The following DCAF4 variants were observed in gnomAD, a reference collection of about 807,000 sequenced individuals.
DCAF4 encodes the protein DDB1- and CUL4-associated factor 4.
In DCAF4, 37 loss-of-function variants were observed where a neutral mutation model predicts 60.9. That is an observed-to-expected ratio of 0.61 (90% CI 0.47 to 0.80). The LOEUF is 0.80. Ranked by LOEUF, DCAF4 falls within the 30% of genes least tolerant of loss-of-function variation. The pLI is 0.00. For missense variants in DCAF4, 577 were observed against 650.0 expected (o/e 0.89, Z 1.22); for synonymous variants, 243 against 254.8 (o/e 0.95, Z 0.44).
At chr14:72,950,388 A>G (rs1286007543) in intron 8 of DCAF4, among the ~76,000 whole-genome samples, 1 of 152,186 alleles carries the variant, frequency 6.6e-6, no homozygotes, top group Non-Finnish European at 1.5e-5. Flanking sequence ...AGGAGTGTGT[A>G]GTAGAAATTG....
intron 1 of DCAF4, among the ~76,000 whole-genome samples, chr14:72,936,715 C>T (rs1299307608): frequency 6.6e-6 from 1 of 152,088 alleles, no homozygotes; most frequent in Non-Finnish European, 1.5e-5. Flanking sequence ...TGGAGATAGA[C>T]ACGAAGCAGC....
At position 72,959,131 on chromosome 14, in the gene DCAF4, GA is replaced by G; in HGVS notation, c.*330del. The G allele has an allele frequency of 9.7e-7, 1 of 1,028,640 alleles. No homozygotes were observed. The highest frequency in any genetic ancestry group is 1.2e-6 in the Non-Finnish European group (1 of 857,862). The allele number at this position is 1,028,640 out of a possible 1,614,324, so 63.7% of individuals were successfully genotyped here. A position where few individuals can be genotyped will look rare whatever the true frequency, so the allele number is the denominator to read the frequency against. On this transcript the variant is annotated 3_prime_UTR_variant, in exon 14 of 14. Coordinates refer to ENST00000358377, the MANE Select transcript of DCAF4 (RefSeq NM_015604.4). ...CTAAGGACTGAAGATTGGCAAAAAC[GA>G]AAAGCTTCTTCCTCCAAGAGCCCAT...
chr14:72,948,005 T>G (rs1398357764), intron 8 of DCAF4, among the ~76,000 whole-genome samples: 1 of 152,178 alleles, frequency 6.6e-6, no homozygotes, highest in Non-Finnish European at 1.5e-5. Flanking sequence ...GGAAACAATG[T>G]GACTACTCAT....
At chr14:72,937,152 C>T (rs1489704923) in intron 1 of DCAF4, among the ~76,000 whole-genome samples, 1 of 152,090 alleles carries the variant, frequency 6.6e-6, no homozygotes, top group Admixed American at 6.6e-5. Flanking sequence ...AGAAATGGAA[C>T]ACTTACAAAT....
At position 72,959,439 on chromosome 14, in the gene DCAF4, C is replaced by T. The variant is rs1386064105; in HGVS notation, c.*634C>T. The T allele has an allele frequency of 1.0e-6, 1 of 985,466 alleles. No individual in the cohort carries two copies. The highest frequency in any genetic ancestry group is 1.7e-5 in the African/African-American group (1 of 57,352). 61.0% of individuals were successfully genotyped at this position (985,466 alleles called of 1,614,324 possible). On this transcript the variant is annotated 3_prime_UTR_variant, in exon 14 of 14. Coordinates refer to ENST00000358377, the MANE Select transcript of DCAF4 (RefSeq NM_015604.4). ...TACATGCTAGAAGTTTTAAACGGTC[C>T]TTAACATGCCTTTGTTCAAGCACCT...
intron 6 of DCAF4, among the ~76,000 whole-genome samples, chr14:72,945,203 G>C (rs1890569786): frequency 6.6e-6 from 1 of 151,920 alleles, no homozygotes; most frequent in Admixed American, 6.6e-5. Context: ...GACCAGCCTG[G>C]ACAACATAGC....
chr14:72,962,053 G>A, downstream of DCAF4: 3 of 1,053,868 alleles, frequency 2.8e-6, no homozygotes, highest in Non-Finnish European at 3.5e-6. Context: ...AGATGTTTAG[G>A]TGAACTCTCA....
chr14:72,933,990 CCTTT>C (rs1243622263), intron 1 of DCAF4, among the ~76,000 whole-genome samples: 7 of 152,124 alleles, frequency 4.6e-5, no homozygotes, highest in African/African-American at 1.7e-4. Context: ...TTTCAGGTGC[CCTTT>C]CTTAGCAGCT....
rs779472370 is a variant in DCAF4, at chr14:72,939,831, A to C, written c.122A>C (p.His41Pro). The change falls in exon 3 of 14, where the codon CAC becomes CCC. Residue 41 changes from histidine (H) to proline (P), a missense_variant. Physicochemically the swap from His to Pro is moderately conservative, Grantham distance 77. Coordinates refer to ENST00000358377, the MANE Select transcript of DCAF4 (RefSeq NM_015604.4). ...GACTCCCGGGCAGCACAGCCCGCTC[A>C]CGATTCCGGCCACGGTGATGACGAG... is the stretch of plus-strand genomic sequence containing the variant. ...RSDSRAAQPA[H>P]DSGHGDDESP... is the part of the protein sequence containing the mutation. The C allele has an allele frequency of 1.2e-6, 2 of 1,613,182 alleles. No individual in the cohort carries two copies. The highest frequency in any genetic ancestry group is 2.2e-5 in the South Asian group (2 of 90,782).
downstream of DCAF4, chr14:72,961,951 C>T (rs1892836877): frequency 4.4e-6 from 5 of 1,146,926 alleles, no homozygotes; most frequent in African/African-American, 1.7e-5. Flanking sequence ...AGCTCTCCGT[C>T]GGAGCACGTC....
At chr14:72,938,768 A>G (rs566940766) in intron 2 of DCAF4, among the ~76,000 whole-genome samples, 3 of 152,256 alleles carry the variant, frequency 2.0e-5, no homozygotes, top group Non-Finnish European at 4.4e-5. Flanking sequence ...TGGTATACCT[A>G]TGTATGACAC....
In DCAF4 at chr14:72,931,770, G is replaced by A. The variant is rs189504630; in HGVS notation, c.-9+5227G>A. 4.6e-5 allele frequency among the ~76,000 whole-genome samples: 7 copies of A among 152,132 alleles called. No homozygotes were observed. In the East Asian group the frequency reaches 1.4e-3, roughly 29 times the overall value. ...GCATTTTGTCCAGTGCTTTTTCTGT[G>A]TATCAATTGAGAAAATCATGTGAGG... is the stretch of plus-strand genomic sequence containing the variant. On this transcript the variant is annotated intron_variant, in intron 1 of 13. Coordinates refer to ENST00000358377, the MANE Select transcript of DCAF4 (RefSeq NM_015604.4).
rs767693888 is a variant in DCAF4, at chr14:72,943,106, AG to A, written c.534+15del. 1 of 1,613,132 alleles carries A rather than the reference AG, an allele frequency of 6.2e-7. No homozygotes were observed. The highest frequency in any genetic ancestry group is 1.1e-5 in the South Asian group (1 of 91,036). On this transcript the variant is annotated intron_variant, in intron 6 of 13. Transcript: ENST00000358377. ...ATTTAACCTCATACTGGTGAGTGGGAGGGGGACACCTGCCTAGGGTGTGGCT... is the reference window on the plus strand; with the variant it reads ...ATTTAACCTCATACTGGTGAGTGGGAGGGGACACCTGCCTAGGGTGTGGCT...
At chr14:72,944,815 G>T (rs1223028723) in intron 6 of DCAF4, among the ~76,000 whole-genome samples, 4 of 151,740 alleles carry the variant, frequency 2.6e-5, no homozygotes, top group Non-Finnish European at 4.4e-5. Flanking sequence ...AGGGCCAGGT[G>T]TGGTGGCTCA....
chr14:72,946,227 C>CAA (rs77222663), intron 7 of DCAF4, among the ~76,000 whole-genome samples, 200 bp downstream of exon 7: 14 of 69,942 alleles, frequency 2.0e-4, no homozygotes, highest in Non-Finnish European at 2.3e-4. Flanking sequence ...CTTGTCTCTA[C>CAA]AAAAAAAAAA....
rs373734829 is a variant in DCAF4 at position 72,947,252 on chromosome 14, T to C, written c.728+61T>C. The C allele has an allele frequency of 6.7e-4, 1,065 of 1,589,474 alleles. 10 individuals are homozygous for C. The South Asian group carries it at 6.8e-3, about 10-fold the overall frequency. On this transcript the variant is annotated intron_variant, in intron 8 of 13. Coordinates refer to ENST00000358377, the MANE Select transcript of DCAF4 (RefSeq NM_015604.4). ...GCCACACCCTGACGTTGGACCTGGG[T>C]ATCTGTGGGCTTCATGACATGGCAT...
At chr14:72,943,918 C>G (rs1365880153) in intron 6 of DCAF4, among the ~76,000 whole-genome samples, 1 of 152,222 alleles carries the variant, frequency 6.6e-6, no homozygotes, top group Non-Finnish European at 1.5e-5. Context: ...GAGACCGCCA[C>G]AGCAGGGCCC....
At chr14:72,952,758 G>T (rs180778842) in intron 9 of DCAF4, among the ~76,000 whole-genome samples, 1 of 137,726 alleles carries the variant, frequency 7.3e-6, no homozygotes, top group Non-Finnish European at 1.5e-5. Context: ...GCAATGGCAC[G>T]ATCTCAGCTC....
In DCAF4 at chr14:72,954,413, A is replaced by G. The variant is rs200035451; in HGVS notation, c.935A>G (p.Asn312Ser). The G allele has an allele frequency of 9.3e-6, 15 of 1,614,132 alleles. No homozygotes were observed. In the East Asian group the frequency reaches 1.1e-4, roughly 12 times the overall value. Residue 312 changes from asparagine (N) to serine (S), a missense_variant, in exon 11 of 14, where the codon AAC becomes AGC. Physicochemically the swap from Asn to Ser is conservative, Grantham distance 46. Coordinates refer to ENST00000358377, the MANE Select transcript of DCAF4 (RefSeq NM_015604.4). ...TGLSRRVLLT[N>S]VVTGHRQSFG... The stretch of plus-strand genomic sequence containing the variant: ...TTGTCTCGGCGGGTCCTGTTGACCA[A>G]CGTGGTGACGGGACACCGGCAGTCC...
Sources: allele counts gnomAD v4.1 joint callset (sites outside exome capture counted in the v4.1 genomes callset), GRCh38; gene constraint gnomAD v4.1.1; transcripts MANE v1.5; gene names NCBI Gene and HGNC (gene_info 2026-07-23, HGNC 2026-07-21).